Variants in GPM6A observed in about 807,000 individuals in gnomAD.
GPM6A encodes the protein glycoprotein M6A.
In GPM6A, 7 loss-of-function variants were observed where a neutral mutation model predicts 32.1. The observed-to-expected ratio is 0.22, with a 90% confidence interval of 0.12 to 0.41. GPM6A has a LOEUF of 0.41. Among genes scored for constraint, GPM6A ranks in the 10% least tolerant of loss-of-function variants. GPM6A has a pLI of 1.00. For missense variants in GPM6A, 235 were observed against 347.2 expected (o/e 0.68, Z 2.57); for synonymous variants, 130 against 123.4 (o/e 1.05, Z -0.35).
intron 1 of GPM6A, among the ~76,000 whole-genome samples, chr4:175,842,009 T>G (rs1735952159): frequency 6.6e-6 from 1 of 152,166 alleles, no homozygotes; most frequent in African/African-American, 2.4e-5. Context: ...TTTTTTCATT[T>G]AAAAGAATCA....
chr4:175,850,009 T>C (rs1355113695), intron 1 of GPM6A, among the ~76,000 whole-genome samples: 1 of 152,144 alleles, frequency 6.6e-6, no homozygotes, highest in East Asian at 1.9e-4. Flanking sequence ...GTAAAGGCTG[T>C]AACTAAACAA....
chr4:175,863,077 G>A (rs1736622290), intron 1 of GPM6A, among the ~76,000 whole-genome samples: 1 of 151,848 alleles, frequency 6.6e-6, no homozygotes, highest in South Asian at 2.1e-4. Flanking sequence ...TTTGAGAGCT[G>A]TATTAAAGGT....
At chr4:175,892,027 T>C (rs935290215) in intron 1 of GPM6A, among the ~76,000 whole-genome samples, 2 of 152,172 alleles carry the variant, frequency 1.3e-5, no homozygotes, top group Non-Finnish European at 2.9e-5. Context: ...ACAGACTCAA[T>C]AAAAATCAGA....
chr4:175,784,787 G>T (rs1217865481), intron 1 of GPM6A, among the ~76,000 whole-genome samples: 1 of 152,056 alleles, frequency 6.6e-6, no homozygotes, highest in African/African-American at 2.4e-5. Context: ...TAGAGGCTGA[G>T]GCAATACTTG....
chr4:175,698,113 T>C (rs1468730161), intron 2 of GPM6A, among the ~76,000 whole-genome samples: 2 of 152,076 alleles, frequency 1.3e-5, no homozygotes, highest in Non-Finnish European at 2.9e-5. Context: ...GAGAGAAATT[T>C]TGTGGTCCCT....
At chr4:175,649,844 T>C (rs9685455) in intron 4 of GPM6A, among the ~76,000 whole-genome samples, 5,250 of 152,262 alleles carry the variant, frequency 0.034, 289 homozygotes, top group African/African-American at 0.12. Context: ...ATAAAAAATA[T>C]AGTTTGTTCA....
At chr4:175,710,693 T>C (rs1358296006) in intron 1 of GPM6A, among the ~76,000 whole-genome samples, 1 of 152,150 alleles carries the variant, frequency 6.6e-6, no homozygotes, top group African/African-American at 2.4e-5. Flanking sequence ...GGTACCAAAT[T>C]CTCAGGAGAC....
rs574481016 is a variant in GPM6A, at chr4:175,633,628, G to A, written c.*1277C>T. ...CATTAGAAATAATGAAAAGAAGAGCGTCAAGGTGAAAACAAACACCAAATT... is the reference window on the plus strand; with the variant it reads ...CATTAGAAATAATGAAAAGAAGAGCATCAAGGTGAAAACAAACACCAAATT... On this transcript the variant is annotated 3_prime_UTR_variant, in exon 7 of 7. Coordinates refer to ENST00000393658, the MANE Select transcript of GPM6A (RefSeq NM_201591.3). 11 of 152,574 alleles carry A rather than the reference G, an allele frequency of 7.2e-5. No homozygotes were observed. The East Asian group carries it at 7.7e-4, about 11-fold the overall frequency. The allele number at this position is 152,574 out of a possible 1,614,324, so 9.5% of individuals were successfully genotyped here.
rs1256475571 is a variant in GPM6A, at chr4:175,955,117, C to T, written c.-23+47192G>A. On this transcript the variant is annotated intron_variant, in intron 1 of 7. Transcript: ENST00000280187. ...AAGAAAAGTCCCTTGGCCTTCGCCA[C>T]ATAGATAATCCATGGCTGGACGAAG... is the stretch of plus-strand genomic sequence containing the variant. 1.3e-5 allele frequency among the ~76,000 whole-genome samples: 2 copies of T among 152,250 alleles called. 1 individual carries two copies. The highest frequency in any genetic ancestry group is 1.3e-4 in the Admixed American group (2 of 15,292).
chr4:175,704,609 A>G (rs779867023), intron 1 of GPM6A, among the ~76,000 whole-genome samples: 16 of 152,214 alleles, frequency 1.1e-4, no homozygotes, highest in Admixed American at 4.6e-4. Flanking sequence ...AATTAGTGCC[A>G]GCCCAATGTA....
At chr4:175,970,179 C>A (rs1275790340) in intron 1 of GPM6A, among the ~76,000 whole-genome samples, 1 of 152,164 alleles carries the variant, frequency 6.6e-6, no homozygotes, top group Non-Finnish European at 1.5e-5. Flanking sequence ...CACTTTGCCA[C>A]CTCTCAATAA....
intron 1 of GPM6A, among the ~76,000 whole-genome samples, chr4:175,853,163 AC>A (rs1323613431): frequency 6.6e-6 from 1 of 152,118 alleles, no homozygotes; most frequent in Non-Finnish European, 1.5e-5. Context: ...AAAATTTCAA[AC>A]CATTTTGGTT....
upstream of GPM6A, chr4:175,813,004 T>G (rs1579531822): frequency 2.0e-6 from 2 of 984,518 alleles, no homozygotes; most frequent in Admixed American, 6.2e-5. Flanking sequence ...GTCAAAGGAG[T>G]GAGTATAAAG....
intron 1 of GPM6A, among the ~76,000 whole-genome samples, chr4:175,870,835 C>G (rs917839995): frequency 6.6e-6 from 1 of 152,050 alleles, no homozygotes; most frequent in East Asian, 1.9e-4. Context: ...TTCAAAGCCT[C>G]GAAGTCCTCT....
intron 1 of GPM6A, among the ~76,000 whole-genome samples, chr4:175,712,991 G>A (rs1206830296): frequency 6.6e-6 from 1 of 152,180 alleles, no homozygotes; most frequent in African/African-American, 2.4e-5. Context: ...CAGCACATCA[G>A]AATTAGTGAC....
intron 1 of GPM6A, among the ~76,000 whole-genome samples, chr4:175,969,507 G>A (rs12508168): frequency 0.081 from 12,392 of 152,106 alleles, 765 homozygotes; most frequent in South Asian, 0.18. Context: ...TCAGGAGTTC[G>A]AAGCCAGCCT....
At chr4:175,916,869 T>C (rs1303860726) in intron 1 of GPM6A, among the ~76,000 whole-genome samples, 2 of 152,146 alleles carry the variant, frequency 1.3e-5, no homozygotes, top group Admixed American at 1.3e-4. Flanking sequence ...TGGCCAAGAA[T>C]AACAGGTGAG....
chr4:175,800,701 A>G (rs1228263205), intron 1 of GPM6A: 1 of 180,126 alleles, frequency 5.6e-6, no homozygotes, highest in African/African-American at 2.4e-5. Context: ...CCAGAGAGGT[A>G]ATAATGGTCA....
chr4:175,832,346 G>T (rs995147624), intron 1 of GPM6A, among the ~76,000 whole-genome samples: 2 of 152,068 alleles, frequency 1.3e-5, no homozygotes, highest in Non-Finnish European at 1.5e-5. Flanking sequence ...TCTTTATAAA[G>T]ACAAGGAGGA....
Sources: gnomAD v4.1 joint callset for allele counts (sites outside exome capture counted in the v4.1 genomes callset) on GRCh38, gnomAD v4.1.1 for gene constraint, MANE v1.5 for transcripts, NCBI Gene and HGNC (gene_info 2026-07-23, HGNC 2026-07-21) for gene names.